Variants in HIGD1C observed in about 807,000 individuals in gnomAD.
HIGD1C encodes HIG1 domain family member 1C.
In HIGD1C, 11 loss-of-function variants were observed where a neutral mutation model predicts 13.1. That is an observed-to-expected ratio of 0.84 (90% confidence interval 0.53 to 1.39). The LOEUF is 1.39. Among genes scored for constraint, HIGD1C ranks in the 40% most tolerant of loss-of-function variants. HIGD1C has a pLI of 0.00. For synonymous variants in HIGD1C, 36 were observed against 37.7 expected (o/e 0.95, Z 0.17); for missense variants, 110 against 112.0 (o/e 0.98, Z 0.08).
intron 2 of HIGD1C, among the ~76,000 whole-genome samples, chr12:50,962,645 C>T (rs377541946): frequency 2.0e-5 from 3 of 151,998 alleles, no homozygotes; most frequent in Admixed American, 6.6e-5. Context: ...TGCAGTGAGT[C>T]GAAATCATGC....
upstream of HIGD1C, among the ~76,000 whole-genome samples, chr12:50,951,651 G>A (rs1006672244): frequency 6.6e-6 from 1 of 152,098 alleles, no homozygotes; most frequent in African/African-American, 2.4e-5. Flanking sequence ...GGGCGCGGTG[G>A]CTCACACCTG....
At chr12:50,950,276 G>A (rs926748439), upstream of HIGD1C, among the ~76,000 whole-genome samples, 3 of 152,140 alleles carry the variant, frequency 2.0e-5, no homozygotes, top group Non-Finnish European at 4.4e-5. Flanking sequence ...TACAGATATT[G>A]AATGAATAAC....
chr12:50,940,892 TG>T, the HIGD1C span, among the ~76,000 whole-genome samples: 1 of 151,960 alleles, frequency 6.6e-6, no homozygotes, highest in Non-Finnish European at 1.5e-5. Context: ...TCACCCAGAC[TG>T]GAGTGCAGTG....
chr12:50,960,405 C>T (rs956120365), intron 1 of HIGD1C, among the ~76,000 whole-genome samples: 8 of 152,162 alleles, frequency 5.3e-5, no homozygotes, highest in Non-Finnish European at 1.2e-4. Flanking sequence ...GTAGCATGCA[C>T]AGTTTGAAAT....
the HIGD1C span, among the ~76,000 whole-genome samples, chr12:50,944,421 C>T: frequency 2.6e-5 from 4 of 152,088 alleles, no homozygotes; most frequent in African/African-American, 9.7e-5. Context: ...TTTGGGAAGA[C>T]AAGGAGGGCA....
chr12:50,938,581 T>G, the HIGD1C span, among the ~76,000 whole-genome samples: 1 of 152,162 alleles, frequency 6.6e-6, no homozygotes, highest in Non-Finnish European at 1.5e-5. Context: ...CTACAGAGTG[T>G]GCAGCCCTGG....
At chr12:50,947,783 G>T in the HIGD1C span, among the ~76,000 whole-genome samples, 1 of 152,232 alleles carries the variant, frequency 6.6e-6, no homozygotes, top group African/African-American at 2.4e-5. Context: ...CATCAAACTG[G>T]TCTAAAATAG....
chr12:50,943,659 G>A, the HIGD1C span, among the ~76,000 whole-genome samples: 3 of 151,566 alleles, frequency 2.0e-5, no homozygotes, highest in Non-Finnish European at 2.9e-5. Flanking sequence ...GCAGTGAGCC[G>A]AGATCGCGCC....
intron 2 of HIGD1C, 103 bp downstream of exon 4, chr12:50,961,205 A>T: frequency 8.3e-7 from 1 of 1,210,748 alleles, no homozygotes; most frequent in Non-Finnish European, 1.2e-6. Context: ...ACAATGATGT[A>T]ATGAGAGAGG....
chr12:50,936,581 G>A, the HIGD1C span, among the ~76,000 whole-genome samples: 1 of 152,160 alleles, frequency 6.6e-6, no homozygotes, highest in Non-Finnish European at 1.5e-5. Context: ...CAGAAGCCCA[G>A]GCCTCCCCCA....
the HIGD1C span, among the ~76,000 whole-genome samples, chr12:50,941,051 G>A: frequency 6.6e-6 from 1 of 152,034 alleles, no homozygotes; most frequent in Non-Finnish European, 1.5e-5. Context: ...AAAAAACCGA[G>A]ATGAGGTCTC....
chr12:50,947,466 A>C, the HIGD1C span, among the ~76,000 whole-genome samples: 1 of 152,108 alleles, frequency 6.6e-6, no homozygotes, highest in Non-Finnish European at 1.5e-5. Flanking sequence ...TCAGCAGCAT[A>C]ACATCTTCAA....
the HIGD1C span, among the ~76,000 whole-genome samples, chr12:50,947,511 C>T: frequency 3.9e-5 from 6 of 152,150 alleles, no homozygotes; most frequent in African/African-American, 1.4e-4. Flanking sequence ...CTACCTTCCA[C>T]CTTCTTGTAA....
the HIGD1C span, among the ~76,000 whole-genome samples, chr12:50,937,447 C>T: frequency 8.5e-5 from 13 of 152,228 alleles, no homozygotes; most frequent in African/African-American, 3.1e-4. Context: ...TACAGCATGT[C>T]ACAGCCCTGG....
the HIGD1C span, among the ~76,000 whole-genome samples, chr12:50,936,007 AAGTT>A: frequency 9.9e-5 from 15 of 152,062 alleles, no homozygotes; most frequent in African/African-American, 3.6e-4. Flanking sequence ...AAAATACAAA[AAGTT>A]AGCCGGGCGT....
chr12:50,932,659 A>G, the HIGD1C span: 7 of 152,338 alleles, frequency 4.6e-5, no homozygotes, highest in Non-Finnish European at 8.8e-5. Flanking sequence ...ATTTTACACA[A>G]AGCAATCCTA....
the HIGD1C span, among the ~76,000 whole-genome samples, chr12:50,946,401 C>A: frequency 5.3e-5 from 8 of 152,192 alleles, no homozygotes; most frequent in South Asian, 1.0e-3. Context: ...TCAAACAACC[C>A]CATCAACAAG....
chr12:50,952,724 G>T (rs1475335255), upstream of HIGD1C, among the ~76,000 whole-genome samples: 2 of 152,202 alleles, frequency 1.3e-5, no homozygotes, highest in African/African-American at 4.8e-5. Flanking sequence ...AGGTGAGCCC[G>T]GCGGGCTCTC....
intron 1 of HIGD1C, among the ~76,000 whole-genome samples, chr12:50,958,635 A>G (rs1214967765): frequency 6.6e-6 from 1 of 152,100 alleles, no homozygotes; most frequent in Non-Finnish European, 1.5e-5. Flanking sequence ...TCTGGCTGAT[A>G]TTAAGGCTTA....
Sources: allele counts gnomAD v4.1 joint callset (sites outside exome capture counted in the v4.1 genomes callset), GRCh38; gene constraint gnomAD v4.1.1; transcripts MANE v1.5; gene names NCBI Gene and HGNC (gene_info 2026-07-23, HGNC 2026-07-21).